MCTP1: variants seen among roughly 807,000 people sequenced by gnomAD.
MCTP1 encodes multiple C2 and transmembrane domain-containing protein 1.
MCTP1 carries 69 observed loss-of-function variants against 120.6 expected under a neutral mutation model. The ratio of observed to expected loss-of-function variants is 0.57; its 90% CI spans 0.47 to 0.70. The LOEUF (loss-of-function observed/expected upper bound fraction) is 0.70. Ranked by LOEUF, MCTP1 falls within the 30% of genes least tolerant of loss-of-function variation. The pLI is 0.00. For missense variants in MCTP1, 1,203 were observed against 1,248.8 expected (o/e 0.96, Z 0.55); for synonymous variants, 529 against 493.1 (o/e 1.07, Z -0.96).
At chr5:94,952,184 A>AAAAAAAAAAAAAAAAAAAAAAAC in intron 3 of MCTP1, among the ~76,000 whole-genome samples, 1 of 151,418 alleles carries the variant, frequency 6.6e-6, no homozygotes, top group African/African-American at 2.4e-5. Context: ...AAAAAAAAAA[A>AAAAAAAAAAAAAAAAAAAAAAAC]AAAAAAAAAG....
At chr5:94,721,150 G>A (rs1760792244) in intron 19 of MCTP1, among the ~76,000 whole-genome samples, 1 of 152,176 alleles carries the variant, frequency 6.6e-6, no homozygotes, top group Non-Finnish European at 1.5e-5. Context: ...CTAGCCTTGA[G>A]AATCACCATA....
At chr5:94,828,410 C>A (rs1213084987) in intron 17 of MCTP1, among the ~76,000 whole-genome samples, 49 of 152,180 alleles carry the variant, frequency 3.2e-4, no homozygotes, top group Admixed American at 3.2e-3. Flanking sequence ...GAGGTGTCTC[C>A]CAGTCAGGAG....
At chr5:95,181,662 G>A (rs1748614913) in intron 1 of MCTP1, among the ~76,000 whole-genome samples, 1 of 152,122 alleles carries the variant, frequency 6.6e-6, no homozygotes, top group Non-Finnish European at 1.5e-5. Context: ...ATGGGGTTCA[G>A]TTACAACATT....
chr5:94,735,482 G>A (rs1431117217), intron 19 of MCTP1, among the ~76,000 whole-genome samples: 1 of 151,972 alleles, frequency 6.6e-6, no homozygotes, highest in African/African-American at 2.4e-5. Context: ...TTTCCATGAT[G>A]CCCAGGCTGG....
chr5:94,770,835 G>A (rs1160169844), intron 19 of MCTP1, among the ~76,000 whole-genome samples: 1 of 152,152 alleles, frequency 6.6e-6, no homozygotes. Context: ...AACACAATAT[G>A]AATTCGACAA....
intron 1 of MCTP1, among the ~76,000 whole-genome samples, chr5:95,275,023 T>C (rs1159322098): frequency 6.6e-6 from 1 of 152,162 alleles, no homozygotes; most frequent in Non-Finnish European, 1.5e-5. Flanking sequence ...TCCTGGCTGG[T>C]GAACTCATCC....
At chr5:95,256,417 T>C (rs116605599) in intron 1 of MCTP1, among the ~76,000 whole-genome samples, 197 of 152,222 alleles carry the variant, frequency 1.3e-3, no homozygotes, top group African/African-American at 4.5e-3. Context: ...TCAGCAAGCA[T>C]CCAACTGGGC....
At chr5:94,996,875 T>TA (rs1211059714) in intron 2 of MCTP1, among the ~76,000 whole-genome samples, 1 of 152,096 alleles carries the variant, frequency 6.6e-6, no homozygotes, top group African/African-American at 2.4e-5. Context: ...GTCAATTATT[T>TA]AAAAAAATAA....
chr5:95,262,819 T>C (rs923457551), intron 1 of MCTP1, among the ~76,000 whole-genome samples: 6 of 152,228 alleles, frequency 3.9e-5, no homozygotes, highest in African/African-American at 1.4e-4. Flanking sequence ...AGTTCATTTA[T>C]GTCAAACAAT....
intron 1 of MCTP1, among the ~76,000 whole-genome samples, chr5:95,049,027 G>A (rs1379323069): frequency 4.6e-5 from 7 of 152,276 alleles, no homozygotes; most frequent in Admixed American, 2.6e-4. Context: ...GGCACTGGCA[G>A]TAAAGCTTCC....
intron 1 of MCTP1, among the ~76,000 whole-genome samples, chr5:95,183,659 C>A (rs1374001216): frequency 1.3e-5 from 2 of 151,568 alleles, no homozygotes; most frequent in Non-Finnish European, 2.9e-5. Flanking sequence ...TGCAAACAAG[C>A]AAAATAATTG....
At chr5:95,216,238 G>A (rs1238932467) in intron 1 of MCTP1, among the ~76,000 whole-genome samples, 1 of 152,134 alleles carries the variant, frequency 6.6e-6, no homozygotes, top group African/African-American at 2.4e-5. Flanking sequence ...ATGCCTTTGT[G>A]TCATGTTATT....
chr5:94,977,889 T>C (rs1260186172), intron 2 of MCTP1, among the ~76,000 whole-genome samples: 2 of 152,066 alleles, frequency 1.3e-5, no homozygotes, highest in African/African-American at 4.8e-5. Context: ...TTGTCAATGA[T>C]TGCGTGAGTA....
At chr5:95,219,227 A>C (rs1053603093) in intron 1 of MCTP1, among the ~76,000 whole-genome samples, 1 of 151,838 alleles carries the variant, frequency 6.6e-6, no homozygotes, top group African/African-American at 2.4e-5. Flanking sequence ...TAAAAAATAC[A>C]AAAAATTAGC....
intron 1 of MCTP1, among the ~76,000 whole-genome samples, chr5:95,138,672 C>T (rs1027257764): frequency 3.9e-5 from 6 of 152,142 alleles, no homozygotes; most frequent in Non-Finnish European, 7.3e-5. Context: ...CCATGTGAGC[C>T]GCCGTCCCTC....
intron 1 of MCTP1, among the ~76,000 whole-genome samples, chr5:95,064,509 A>G (rs1750088713): frequency 6.6e-6 from 1 of 152,212 alleles, no homozygotes; most frequent in Admixed American, 6.5e-5. Context: ...ATTAATAGTA[A>G]ATATCCCATT....
intron 1 of MCTP1, among the ~76,000 whole-genome samples, chr5:95,059,106 G>T (rs1748217027): frequency 6.6e-6 from 1 of 151,998 alleles, no homozygotes; most frequent in Non-Finnish European, 1.5e-5. Context: ...CTACTATAAT[G>T]ATATATGCAC....
chr5:94,938,319 G>A (rs1251316836), intron 5 of MCTP1, among the ~76,000 whole-genome samples: 1 of 152,008 alleles, frequency 6.6e-6, no homozygotes, highest in African/African-American at 2.4e-5. Context: ...CCACCCCAGT[G>A]TTGTTATGCA....
At chr5:95,208,765 C>A (rs1751975786) in intron 1 of MCTP1, among the ~76,000 whole-genome samples, 1 of 151,974 alleles carries the variant, frequency 6.6e-6, no homozygotes, top group Non-Finnish European at 1.5e-5. Context: ...TATGTATTAT[C>A]CTTAGTTTTG....
Sources: allele counts gnomAD v4.1 joint callset (sites outside exome capture counted in the v4.1 genomes callset), GRCh38; gene constraint gnomAD v4.1.1; transcripts MANE v1.5; gene names NCBI Gene and HGNC (gene_info 2026-07-23, HGNC 2026-07-21).